Variants in TRIM44 observed in about 807,000 individuals in gnomAD.
TRIM44 encodes tripartite motif containing 44, also known as tripartite motif-containing protein 44.
Under a neutral mutation model 37.4 loss-of-function variants are expected in TRIM44, and 13 were observed. The observed-to-expected ratio is 0.35, with a 90% confidence interval of 0.23 to 0.55. TRIM44 has a LOEUF of 0.55. TRIM44 is among the 20% of genes least tolerant of loss of function. The probability of loss-of-function intolerance (pLI) is 0.89; values close to 1 mark genes in which losing one functional copy is unlikely to be tolerated. For synonymous variants in TRIM44, 175 were observed against 157.2 expected (o/e 1.11, Z -0.85); for missense variants, 426 against 437.2 (o/e 0.97, Z 0.23).
intron 4 of TRIM44, among the ~76,000 whole-genome samples, chr11:35,742,137 C>T (rs1357302104): frequency 6.6e-6 from 1 of 151,780 alleles, no homozygotes; most frequent in Non-Finnish European, 1.5e-5. Flanking sequence ...GAGATGAAGT[C>T]TCACTTTGTT....
chr11:35,802,480 G>A (rs1853383573), intron 4 of TRIM44, among the ~76,000 whole-genome samples: 1 of 152,170 alleles, frequency 6.6e-6, no homozygotes, highest in Non-Finnish European at 1.5e-5. Flanking sequence ...ACAGAGCACA[G>A]GCATGTTTCT....
intron 2 of TRIM44, among the ~76,000 whole-genome samples, chr11:35,685,757 G>A (rs1027746405): frequency 6.6e-6 from 1 of 152,068 alleles, no homozygotes; most frequent in Non-Finnish European, 1.5e-5. Context: ...TCCGCCTGCC[G>A]GGTCCAAGCC....
chr11:35,694,298 G>A lies in TRIM44; in HGVS notation c.747+8962G>A, dbSNP rs562698655. Reference sequence around the variant, plus strand: ...ATCATGGACAAAGGACCTAACAAATGATGCCCTTCTAGAAGAGTGAAAGCT... The same window carrying A: ...ATCATGGACAAAGGACCTAACAAATAATGCCCTTCTAGAAGAGTGAAAGCT... On this transcript the variant is annotated intron_variant, in intron 2 of 4. Coordinates refer to ENST00000299413, the MANE Select transcript of TRIM44 (RefSeq NM_017583.6). Among the ~76,000 whole-genome samples the A allele has an allele frequency of 1.9e-3, 282 of 152,238 alleles. 2 individuals are homozygous for A. The highest frequency in any genetic ancestry group is 6.5e-3 in the African/African-American group (271 of 41,546).
chr11:35,790,562 TG>T (rs1853195129), intron 4 of TRIM44, among the ~76,000 whole-genome samples: 1 of 148,248 alleles, frequency 6.7e-6, no homozygotes, highest in South Asian at 2.1e-4. Flanking sequence ...GATGTTTTTA[TG>T]TGTTTTGGGT....
At chr11:35,681,570 T>A (rs1851521321) in intron 1 of TRIM44, among the ~76,000 whole-genome samples, 1 of 152,198 alleles carries the variant, frequency 6.6e-6, no homozygotes, top group African/African-American at 2.4e-5. Flanking sequence ...GGTGGAGAAG[T>A]ACAGATAGCA....
intron 2 of TRIM44, among the ~76,000 whole-genome samples, chr11:35,703,460 A>G (rs1046796197): frequency 2.6e-5 from 4 of 152,190 alleles, no homozygotes; most frequent in African/African-American, 9.7e-5. Context: ...CTGCCTCCTC[A>G]AGTGGGTCCC....
intron 4 of TRIM44, among the ~76,000 whole-genome samples, chr11:35,751,153 G>A (rs1852554813): frequency 6.6e-6 from 1 of 152,090 alleles, no homozygotes; most frequent in Non-Finnish European, 1.5e-5. Flanking sequence ...CAGTGACAAG[G>A]AATATTACTA....
At chr11:35,758,814 G>T (rs1937201495) in intron 4 of TRIM44, among the ~76,000 whole-genome samples, 1 of 152,218 alleles carries the variant, frequency 6.6e-6, no homozygotes. Context: ...CTTTAAGAAT[G>T]TTGAGTATTG....
chr11:35,742,174 G>T (rs1449040751), intron 4 of TRIM44, among the ~76,000 whole-genome samples: 1 of 151,656 alleles, frequency 6.6e-6, no homozygotes, highest in Admixed American at 6.6e-5. Context: ...AACTACTGGG[G>T]TCAAGTGATC....
intron 4 of TRIM44, among the ~76,000 whole-genome samples, chr11:35,748,963 G>A (rs1418125203): frequency 6.6e-6 from 1 of 152,156 alleles, no homozygotes; most frequent in African/African-American, 2.4e-5. Flanking sequence ...CTTCCATGAT[G>A]TATGTATTTT....
At chr11:35,785,881 A>G (rs890949526) in intron 4 of TRIM44, among the ~76,000 whole-genome samples, 4 of 152,224 alleles carry the variant, frequency 2.6e-5, no homozygotes, top group Non-Finnish European at 2.9e-5. Flanking sequence ...CTGTGCTTAT[A>G]AGTCTGCTCT....
chr11:35,731,737 T>C (rs1481134254), intron 3 of TRIM44, among the ~76,000 whole-genome samples: 1 of 152,208 alleles, frequency 6.6e-6, no homozygotes, highest in Non-Finnish European at 1.5e-5. Flanking sequence ...TTGTCCAGTT[T>C]GGTAAGGAGA....
intron 4 of TRIM44, among the ~76,000 whole-genome samples, chr11:35,753,482 C>T (rs1852583897): frequency 6.6e-6 from 1 of 152,160 alleles, no homozygotes; most frequent in Non-Finnish European, 1.5e-5. Flanking sequence ...CATATGGTTT[C>T]CACATGGCTG....
intron 1 of TRIM44, among the ~76,000 whole-genome samples, chr11:35,683,414 CAG>C (rs1272186899): frequency 6.6e-6 from 1 of 151,968 alleles, no homozygotes; most frequent in African/African-American, 2.4e-5. Context: ...CAAGAGAGGT[CAG>C]AGGGGGGAAA....
chr11:35,759,102 C>T (rs1590576244), intron 4 of TRIM44, among the ~76,000 whole-genome samples: 1 of 152,198 alleles, frequency 6.6e-6, no homozygotes, highest in Non-Finnish European at 1.5e-5. Context: ...TGTTTTCCAA[C>T]TTGGTTCCAT....
rs1309957442 is a variant in TRIM44, at chr11:35,720,947, A to G, written c.748-4977A>G. ...TTTTAACAGTCTTGCTCTGTCACCT[A>G]GGCTGGAGTGCAGTGGCACCATCTC... On this transcript the variant is annotated intron_variant, in intron 2 of 4. Coordinates refer to ENST00000299413, the MANE Select transcript of TRIM44 (RefSeq NM_017583.6). Among the ~76,000 whole-genome samples the G allele has an allele frequency of 4.7e-5, 7 of 149,160 alleles. No individual in the cohort carries two copies. The South Asian group carries it at 1.5e-3, about 32-fold the overall frequency.
At chr11:35,801,555 A>G (rs948724042) in intron 4 of TRIM44, among the ~76,000 whole-genome samples, 1 of 152,208 alleles carries the variant, frequency 6.6e-6, no homozygotes, top group Admixed American at 6.5e-5. Flanking sequence ...TAAGCTGCCT[A>G]TATATGCAGC....
In TRIM44 at chr11:35,662,835, C is replaced by G; in HGVS notation, c.-277C>G. The G allele has an allele frequency of 3.1e-6, 1 of 323,986 alleles. No homozygotes were observed. Among genetic ancestry groups the G allele is most frequent in the Non-Finnish European group, 5.3e-6 (1 of 190,026 alleles). The allele number at this position is 323,986 out of a possible 1,614,324, so 20.1% of individuals were successfully genotyped here. On this transcript the variant is annotated 5_prime_UTR_variant, in exon 1 of 5. Coordinates refer to ENST00000299413, the MANE Select transcript of TRIM44 (RefSeq NM_017583.6). ...CTGAGCGGGCGGCGCGACGCGGGGG[C>G]CGACGGGGGCGCCGGGTGGCCGCGC...
chr11:35,797,778 A>G (rs954091862), intron 4 of TRIM44, among the ~76,000 whole-genome samples: 1 of 152,196 alleles, frequency 6.6e-6, no homozygotes, highest in African/African-American at 2.4e-5. Context: ...AGAGGAGCCT[A>G]TGGAAACTTA....
Sources: gnomAD v4.1 joint callset for allele counts (sites outside exome capture counted in the v4.1 genomes callset) on GRCh38, gnomAD v4.1.1 for gene constraint, MANE v1.5 for transcripts, NCBI Gene and HGNC (gene_info 2026-07-23, HGNC 2026-07-21) for gene names.